Variants in IRS1 observed in about 807,000 individuals in gnomAD.
The protein encoded by IRS1 is insulin receptor substrate 1.
A neutral mutation model predicts 65.6 loss-of-function variants in IRS1; 34 were observed. The observed-to-expected ratio is 0.52, with a 90% CI of 0.39 to 0.69. IRS1 has a LOEUF of 0.69. Ranked by LOEUF, IRS1 falls within the 30% of genes least tolerant of loss-of-function variation. IRS1 has a pLI of 0.00. For synonymous variants in IRS1, 699 were observed against 683.5 expected (o/e 1.02, Z -0.35); for missense variants, 1,641 against 1,720.2 (o/e 0.95, Z 0.81).
At chr2:226,758,887 A>G (rs1490676182) in intron 1 of IRS1, among the ~76,000 whole-genome samples, 2 of 152,214 alleles carry the variant, frequency 1.3e-5, no homozygotes, top group South Asian at 2.1e-4. Context: ...TGCTCTACAG[A>G]TAGATACAGG....
rs964784913 is a variant in IRS1, at chr2:226,799,051, G to A, written c.-313C>T. The A allele has an allele frequency of 1.6e-5, 21 of 1,339,992 alleles. No individual in the cohort carries two copies. Among genetic ancestry groups the A allele is most frequent in the Non-Finnish European group, 2.0e-5 (21 of 1,034,502 alleles). The allele number at this position is 1,339,992 out of a possible 1,614,324, so 83.0% of individuals were successfully genotyped here. Reference sequence around the variant, plus strand: ...TCCTCTCAGCCGCCGCCGCCACCAGGAAGGAGCGAAGATGCATCTCTCGTC... The same window carrying A: ...TCCTCTCAGCCGCCGCCGCCACCAGAAAGGAGCGAAGATGCATCTCTCGTC... On this transcript the variant is annotated 5_prime_UTR_variant, in exon 1 of 2. Coordinates refer to ENST00000305123, the MANE Select transcript of IRS1 (RefSeq NM_005544.3). The surrounding 1 kb of genome is among the most constrained non-coding windows in gnomAD (Gnocchi z 6.1).
At chr2:226,786,742 T>C (rs1022002098) in intron 1 of IRS1, among the ~76,000 whole-genome samples, 5 of 114,620 alleles carry the variant, frequency 4.4e-5, no homozygotes, top group South Asian at 5.2e-4. Flanking sequence ...GAGAAAAAAA[T>C]AGTGTGAAGA....
chr2:226,743,288 G>T (rs966251486), intron 1 of IRS1, among the ~76,000 whole-genome samples: 1 of 151,708 alleles, frequency 6.6e-6, no homozygotes, highest in Non-Finnish European at 1.5e-5. Flanking sequence ...GGAGTGCAGT[G>T]GTGCCATTTC....
At chr2:226,791,276 C>T (rs1013448725) in intron 1 of IRS1, among the ~76,000 whole-genome samples, 4 of 152,108 alleles carry the variant, frequency 2.6e-5, no homozygotes, top group Non-Finnish European at 5.9e-5. Context: ...ACCTGGCCCG[C>T]AGGCCCGCAG....
At chr2:226,768,419 T>C (rs1574651918) in intron 1 of IRS1, among the ~76,000 whole-genome samples, 1 of 152,226 alleles carries the variant, frequency 6.6e-6, no homozygotes, top group Non-Finnish European at 1.5e-5. Context: ...AATGGACATA[T>C]ACTTGTTGCA....
chr2:226,749,979 G>A (rs909362494), intron 1 of IRS1, among the ~76,000 whole-genome samples: 2 of 152,180 alleles, frequency 1.3e-5, no homozygotes, highest in Non-Finnish European at 1.5e-5. Flanking sequence ...GCCGAGAGTC[G>A]TGGCTCATGC....
At chr2:226,745,300 A>G (rs1030607732) in intron 1 of IRS1, among the ~76,000 whole-genome samples, 1 of 152,214 alleles carries the variant, frequency 6.6e-6, no homozygotes, top group African/African-American at 2.4e-5. Context: ...GTTTCCCTTG[A>G]GTTGCCTCTT....
At chr2:226,778,541 TA>T (rs111466121) in intron 1 of IRS1, among the ~76,000 whole-genome samples, 47 of 145,622 alleles carry the variant, frequency 3.2e-4, no homozygotes, top group African/African-American at 5.2e-4. Flanking sequence ...TAACAGAATT[TA>T]AAAAAAAAAA....
chr2:226,761,217 A>G (rs1378223494), intron 1 of IRS1, among the ~76,000 whole-genome samples: 2 of 152,356 alleles, frequency 1.3e-5, no homozygotes, highest in Non-Finnish European at 1.5e-5. Flanking sequence ...CCAATTCTTA[A>G]CTATTGGTTT....
intron 1 of IRS1, among the ~76,000 whole-genome samples, chr2:226,761,326 G>A (rs896073751): frequency 2.0e-5 from 3 of 152,126 alleles, no homozygotes; most frequent in Non-Finnish European, 4.4e-5. Context: ...CTGTAACTGA[G>A]GTTTTGAGAG....
Position 226,796,064 on chromosome 2 carries a change from C to A in IRS1, c.2675G>T (p.Ser892Ile). ...TTCAATATTGACATATTCCCCCGGG[C>A]TCTTGGGCTCTGGAGGGTGCAGCAA... ...QPLLHPPEPK[S>I]PGEYVNIEFG... Residue 892 changes from serine (S) to isoleucine (I), a missense_variant, in exon 1 of 2, where the codon AGC (serine) becomes ATC (isoleucine). Ser to Ile is a moderately radical substitution (Grantham distance 142). Around this residue, in one of 3 missense-constraint regions of IRS1, gnomAD observed 1,324 missense variants for 1,361.0 expected, o/e 0.97. Transcript: ENST00000305123. 4 of 1,614,006 alleles carry A rather than the reference C, an allele frequency of 2.5e-6. No individual in the cohort carries two copies. The highest frequency in any genetic ancestry group is 1.1e-5 in the South Asian group (1 of 91,090).
At chr2:226,752,278 G>A (rs1938700728) in intron 1 of IRS1, among the ~76,000 whole-genome samples, 1 of 152,168 alleles carries the variant, frequency 6.6e-6, no homozygotes, top group Non-Finnish European at 1.5e-5. Context: ...AAAATAAAAA[G>A]AAAGGATGGT....
chr2:226,744,171 T>C (rs1938493961), intron 1 of IRS1, among the ~76,000 whole-genome samples: 1 of 152,214 alleles, frequency 6.6e-6, no homozygotes, highest in African/African-American at 2.4e-5. Context: ...ACATCACTTT[T>C]GGCAGCTGGA....
chr2:226,791,828 C>G (rs966292516), intron 1 of IRS1, among the ~76,000 whole-genome samples: 2 of 151,924 alleles, frequency 1.3e-5, no homozygotes, highest in South Asian at 2.1e-4. Flanking sequence ...CCACGCGGCC[C>G]GGGAAGGGGC....
intron 1 of IRS1, among the ~76,000 whole-genome samples, chr2:226,766,147 A>ATTT (rs1939036739): frequency 2.6e-4 from 1 of 3,864 alleles, no homozygotes; most frequent in Non-Finnish European, 7.8e-4. Context: ...ATATATATAT[A>ATTT]TATATATATA....
intron 1 of IRS1, among the ~76,000 whole-genome samples, chr2:226,762,996 G>A (rs561646940): frequency 1.3e-5 from 2 of 152,126 alleles, no homozygotes; most frequent in Admixed American, 6.5e-5. Flanking sequence ...TCATCCAGAA[G>A]AGAAAACTCA....
chr2:226,759,747 G>A (rs1470931862), intron 1 of IRS1, among the ~76,000 whole-genome samples: 1 of 152,088 alleles, frequency 6.6e-6, no homozygotes, highest in African/African-American at 2.4e-5. Flanking sequence ...TTTCTTTATA[G>A]CAGAGAAAAT....
At chr2:226,752,898 C>T (rs931555487) in intron 1 of IRS1, among the ~76,000 whole-genome samples, 3 of 152,284 alleles carry the variant, frequency 2.0e-5, no homozygotes, top group Non-Finnish European at 2.9e-5. Context: ...TGCGGTTTCA[C>T]GGTAAAACAG....
chr2:226,789,758 C>A (rs1939553585), intron 1 of IRS1, among the ~76,000 whole-genome samples: 1 of 152,124 alleles, frequency 6.6e-6, no homozygotes. Flanking sequence ...CTAGCAGGTG[C>A]CTTGCATTCC....
Sources: allele counts gnomAD v4.1 joint callset (sites outside exome capture counted in the v4.1 genomes callset), GRCh38; gene constraint gnomAD v4.1.1; regional missense constraint gnomAD v4.1.1; non-coding constraint Gnocchi (gnomAD v3.1); transcripts MANE v1.5; gene names NCBI Gene and HGNC (gene_info 2026-07-23, HGNC 2026-07-21).